STARD13: variants seen among roughly 807,000 people sequenced by gnomAD.
STARD13 encodes the protein StAR related lipid transfer domain containing 13.
A neutral mutation model predicts 106.4 loss-of-function variants in STARD13; 62 were observed. The ratio of observed to expected loss-of-function variants is 0.58; its 90% CI spans 0.48 to 0.72. The LOEUF is 0.72. STARD13 is among the 30% of genes least tolerant of loss of function. STARD13 has a pLI of 0.00. For missense variants in STARD13, 1,387 were observed against 1,424.0 expected, an observed-to-expected ratio of 0.97 and a Z score of 0.42; for synonymous variants, 565 against 553.0, an observed-to-expected ratio of 1.02 and a Z score of -0.31.
At chr13:33,625,704 G>A in the STARD13 span, among the ~76,000 whole-genome samples, 1 of 146,984 alleles carries the variant, frequency 6.8e-6, no homozygotes, top group African/African-American at 2.7e-5. Context: ...TTAACCTAAT[G>A]GTACCCTTTT....
chr13:33,571,248 G>T, the STARD13 span, among the ~76,000 whole-genome samples: 1 of 152,080 alleles, frequency 6.6e-6, no homozygotes, highest in Non-Finnish European at 1.5e-5. Context: ...TTTTAAGTTG[G>T]CTTGGCAATT....
chr13:33,422,155 T>C, the STARD13 span, among the ~76,000 whole-genome samples: 1 of 152,204 alleles, frequency 6.6e-6, no homozygotes, highest in Non-Finnish European at 1.5e-5. Flanking sequence ...GAAGTCAAAC[T>C]GTGCCTGTTT....
the STARD13 span, among the ~76,000 whole-genome samples, chr13:33,566,940 C>A: frequency 6.7e-6 from 1 of 148,198 alleles, no homozygotes; most frequent in South Asian, 2.1e-4. Context: ...GTTTTCACTT[C>A]TTTCCAGTTG....
At chr13:33,516,096 CAT>C in the STARD13 span, among the ~76,000 whole-genome samples, 21 of 149,766 alleles carry the variant, frequency 1.4e-4, no homozygotes, top group African/African-American at 4.6e-4. Flanking sequence ...CATACACACA[CAT>C]ATATGTTAAC....
the STARD13 span, among the ~76,000 whole-genome samples, chr13:33,390,179 A>G: frequency 6.6e-6 from 1 of 152,174 alleles, no homozygotes; most frequent in African/African-American, 2.4e-5. Flanking sequence ...GAGCAAAGGT[A>G]TGCAAGCTAT....
At chr13:33,277,336 T>C (rs1891497771) in intron 1 of STARD13, 1 of 152,202 alleles carries the variant, frequency 6.6e-6, no homozygotes, top group African/African-American at 2.4e-5. Flanking sequence ...ATTTGTAGAC[T>C]TCCTGGAAAT....
chr13:33,103,887 A>T lies in STARD13; in HGVS notation c.*1706T>A, dbSNP rs1167735364. The T allele has an allele frequency of 6.6e-6, 1 of 152,246 alleles. No homozygotes were observed. Among genetic ancestry groups the T allele is most frequent in the Non-Finnish European group, 1.5e-5 (1 of 68,040 alleles). 9.4% of individuals were successfully genotyped at this position (152,246 alleles called of 1,614,324 possible). A position where few individuals can be genotyped will look rare whatever the true frequency, so the allele number is the denominator to read the frequency against. ...TTGTTTTGCTCACAAAGCATTGCCC[A>T]AAAGGTAAATTATGGATTTACTGCT... On this transcript the variant is annotated 3_prime_UTR_variant, in exon 14 of 14. Coordinates refer to ENST00000336934, the MANE Select transcript of STARD13 (RefSeq NM_178006.4).
chr13:33,658,286 C>G, the STARD13 span: 1 of 152,244 alleles, frequency 6.6e-6, no homozygotes, highest in Non-Finnish European at 1.5e-5. Context: ...ATGTACATAC[C>G]GCATTTTGTT....
intron 3 of STARD13, among the ~76,000 whole-genome samples, chr13:33,161,554 A>C (rs1882626556): frequency 6.6e-6 from 1 of 152,160 alleles, no homozygotes; most frequent in South Asian, 2.1e-4. Context: ...GGCCCAAGAC[A>C]TCCACCCACC....
At chr13:33,557,400 T>C in the STARD13 span, among the ~76,000 whole-genome samples, 1 of 152,326 alleles carries the variant, frequency 6.6e-6, no homozygotes, top group Admixed American at 6.5e-5. Context: ...AAATCTCCTC[T>C]TGAATTTTCA....
Position 33,110,671 on chromosome 13 carries a change from A to G in STARD13, c.2829+15T>C, listed in dbSNP as rs375302894. On this transcript the variant is annotated intron_variant, in intron 11 of 13. Coordinates refer to ENST00000336934, the MANE Select transcript of STARD13 (RefSeq NM_178006.4). Reference sequence around the variant, plus strand: ...GGCTTTCTGGGGGTGATCTTTTTCCATCCTCTGAGATTACCTTTTTGAAAG... The same window carrying G: ...GGCTTTCTGGGGGTGATCTTTTTCCGTCCTCTGAGATTACCTTTTTGAAAG... 1 of 1,607,576 alleles carries G rather than the reference A, an allele frequency of 6.2e-7. No individual in the cohort carries two copies. The highest frequency in any genetic ancestry group is 8.5e-7 in the Non-Finnish European group (1 of 1,174,372).
intron 1 of STARD13, chr13:33,186,126 A>G: frequency 1.4e-6 from 2 of 1,413,570 alleles, no homozygotes; most frequent in Non-Finnish European, 1.9e-6. Flanking sequence ...GTGACCTGCG[A>G]AGCCTCAGCT....
At chr13:33,113,297 T>C (rs886651196) in intron 8 of STARD13, 11 of 369,650 alleles carry the variant, frequency 3.0e-5, no homozygotes, top group African/African-American at 2.1e-4. Context: ...CAACCTGGCA[T>C]CCCTCTTGCC....
chr13:33,284,557 G>A (rs752254847), intron 1 of STARD13, among the ~76,000 whole-genome samples: 6 of 151,746 alleles, frequency 4.0e-5, no homozygotes, highest in Admixed American at 6.6e-5. Context: ...TCTTAGGAAC[G>A]GCTCTAAAAA....
chr13:33,628,649 T>C, the STARD13 span, among the ~76,000 whole-genome samples: 2 of 152,166 alleles, frequency 1.3e-5, no homozygotes, highest in Non-Finnish European at 2.9e-5. Flanking sequence ...CCTGATACAC[T>C]CTTTCTTTCA....
At chr13:33,377,877 T>C in the STARD13 span, among the ~76,000 whole-genome samples, 2 of 152,154 alleles carry the variant, frequency 1.3e-5, no homozygotes, top group Non-Finnish European at 2.9e-5. Context: ...AGGAATTGAT[T>C]GAATGGGTAA....
the STARD13 span, among the ~76,000 whole-genome samples, chr13:33,559,284 C>A: frequency 6.6e-6 from 1 of 151,444 alleles, no homozygotes. Context: ...AAAAGTATCA[C>A]CTATTTTATT....
the STARD13 span, among the ~76,000 whole-genome samples, chr13:33,374,663 A>G: frequency 1.4e-4 from 22 of 152,300 alleles, no homozygotes; most frequent in Non-Finnish European, 1.0e-4. Flanking sequence ...GCTGGAGTTC[A>G]TCTTTGGAAG....
intron 1 of STARD13, among the ~76,000 whole-genome samples, chr13:33,240,213 T>C (rs1594150687): frequency 6.6e-6 from 1 of 152,206 alleles, no homozygotes; most frequent in East Asian, 1.9e-4. Context: ...GATTTGTTCC[T>C]TGGCTCTCTA....
Sources: allele counts gnomAD v4.1 joint callset (sites outside exome capture counted in the v4.1 genomes callset), GRCh38; gene constraint gnomAD v4.1.1; transcripts MANE v1.5; gene names NCBI Gene and HGNC (gene_info 2026-07-23, HGNC 2026-07-21).